FHOD3: variants seen among roughly 807,000 people sequenced by gnomAD.
The protein encoded by FHOD3 is FH1/FH2 domain-containing protein 3.
A neutral mutation model predicts 173.0 loss-of-function variants in FHOD3; 90 were observed. The observed-to-expected ratio is 0.52, with a 90% CI of 0.44 to 0.62. FHOD3 has a LOEUF of 0.62. FHOD3 is among the 20% of genes least tolerant of loss of function. The pLI is 0.00. For synonymous variants in FHOD3, 828 were observed against 823.0 expected (o/e 1.01, Z -0.10); for missense variants, 1,945 against 2,034.7 (o/e 0.96, Z 0.85).
chr18:36,760,620 T>G lies in FHOD3; in HGVS notation c.4462T>G (p.Ser1488Ala), dbSNP rs575939229. The G allele has an allele frequency of 6.3e-7, 1 of 1,582,472 alleles. No homozygotes were observed. The highest frequency in any genetic ancestry group is 1.4e-5 in the African/African-American group (1 of 73,582). Residue 1488 changes from serine (S) to alanine (A), a missense_variant, in exon 27 of 29, where the codon TCC becomes GCC. This residue lies in a region of FHOD3 where 354 missense variants were observed against 359.9 expected (regional missense o/e 0.98). Coordinates refer to ENST00000590592, the MANE Select transcript of FHOD3 (RefSeq NM_001281740.3). ...EEEEVESGKF[S>A]GSSPAPPSQP... is the part of the protein sequence containing the mutation. ...CTTGGTTTTGCAGTCTGGCAAGTTC[T>G]CCGGCAGTTCTCCGGCGCCCCCAAG...
At chr18:36,349,430 C>G (rs532701165) in intron 1 of FHOD3, among the ~76,000 whole-genome samples, 48 of 152,298 alleles carry the variant, frequency 3.2e-4, no homozygotes, top group African/African-American at 1.1e-3. Context: ...ATGGGGGAAC[C>G]AATGAAGTGC....
intron 1 of FHOD3, among the ~76,000 whole-genome samples, chr18:36,336,965 G>C (rs1471124490): frequency 1.3e-5 from 2 of 151,802 alleles, no homozygotes; most frequent in African/African-American, 2.4e-5. Context: ...TTGAGGCCAG[G>C]AGTTTGAGAC....
intron 14 of FHOD3, among the ~76,000 whole-genome samples, chr18:36,664,952 G>C (rs1020015887): frequency 6.6e-6 from 1 of 152,138 alleles, no homozygotes; most frequent in African/African-American, 2.4e-5. Flanking sequence ...GAGACCCCAG[G>C]TGTGGTGGCT....
In FHOD3 at chr18:36,506,445, G is replaced by C. The variant is rs188643381; in HGVS notation, c.405+4446G>C. Among the ~76,000 whole-genome samples the C allele has an allele frequency of 3.3e-5, 5 of 152,338 alleles. No homozygotes were observed. In the East Asian group the frequency reaches 9.6e-4, roughly 29 times the overall value. On this transcript the variant is annotated intron_variant, in intron 4 of 28. Transcript: ENST00000590592. ...TATGTTTAGTGATGATGGTGAACAA[G>C]TGGTGACTTTGAAGGATTCTGTATG...
At chr18:36,300,177 A>G (rs2091922486) in intron 1 of FHOD3, among the ~76,000 whole-genome samples, 2 of 152,156 alleles carry the variant, frequency 1.3e-5, no homozygotes, top group Non-Finnish European at 2.9e-5. Flanking sequence ...AGGGAGAGTG[A>G]CTAAATGACC....
intron 5 of FHOD3, among the ~76,000 whole-genome samples, chr18:36,528,188 A>T (rs1482650573): frequency 6.6e-6 from 1 of 152,228 alleles, no homozygotes; most frequent in Non-Finnish European, 1.5e-5. Flanking sequence ...ACAAACCTGT[A>T]GCACTAGGAT....
chr18:36,425,903 CT>C (rs576258914), intron 3 of FHOD3, among the ~76,000 whole-genome samples: 2,999 of 142,544 alleles, frequency 0.021, 88 homozygotes, highest in African/African-American at 0.068. Context: ...TTCTTTCTTT[CT>C]TTTTTTTTTT....
rs763415734 is a variant in FHOD3 at position 36,744,185 on chromosome 18, T to A, written c.4033T>A (p.Ser1345Thr). The A allele has an allele frequency of 6.2e-7, 1 of 1,613,366 alleles. No homozygotes were observed. The highest frequency in any genetic ancestry group is 1.7e-5 in the Admixed American group (1 of 59,900). ...LYSEIGAITRSAKVDFDQLQD... is the reference protein window; with the variant it reads ...LYSEIGAITRTAKVDFDQLQD... ...CTCGGAGATCGGGGCCATCACCAGG[T>A]CAGCCAAGGTATGTCTGTGGACGCT... Residue 1345 changes from serine to threonine, a missense_variant, in exon 23 of 29, where the codon TCA becomes ACA. Transcript: ENST00000590592.
Position 36,297,928 on chromosome 18 carries a change from C to T in FHOD3, c.93C>T (p.Phe31=), listed in dbSNP as rs779310008. 8.3e-6 allele frequency: 13 copies of T among 1,565,334 alleles called. No individual in the cohort carries two copies. The African/African-American group carries it at 1.5e-4, about 18-fold the overall frequency. The part of the protein sequence containing the change: ...NFPEPSRPPL[F]TFREDLALGT... ...CCGAGCCCAGCCGGCCGCCGCTGTT[C>T]ACGTTCCGCGAGGACCTCGCGCTCG... The change falls in exon 1 of 29, where the codon TTC becomes TTT. Residue 31 remains phenylalanine (F), a synonymous_variant. Coordinates refer to ENST00000590592, the MANE Select transcript of FHOD3 (RefSeq NM_001281740.3).
intron 6 of FHOD3, among the ~76,000 whole-genome samples, chr18:36,589,000 C>G (rs2059126418): frequency 6.6e-6 from 1 of 152,212 alleles, no homozygotes; most frequent in Non-Finnish European, 1.5e-5. Flanking sequence ...TGGACTGAGG[C>G]TTGACTTGAC....
chr18:36,577,540 A>T (rs1382422628), intron 6 of FHOD3, among the ~76,000 whole-genome samples: 2 of 152,172 alleles, frequency 1.3e-5, no homozygotes, highest in African/African-American at 4.8e-5. Flanking sequence ...GCCTCAAATG[A>T]TCCACCTGCC....
At chr18:36,519,515 T>G (rs1440757354) in intron 5 of FHOD3, among the ~76,000 whole-genome samples, 4 of 152,210 alleles carry the variant, frequency 2.6e-5, no homozygotes, top group Non-Finnish European at 4.4e-5. Flanking sequence ...TCGCTGTGCT[T>G]CTTCTGCAAG....
At chr18:36,529,315 G>A (rs532952716) in intron 5 of FHOD3, among the ~76,000 whole-genome samples, 18 of 152,230 alleles carry the variant, frequency 1.2e-4, no homozygotes, top group Admixed American at 3.9e-4. Context: ...GCTGCTGCTC[G>A]TGTTATACAG....
chr18:36,626,572 G>A (rs1348546287), intron 10 of FHOD3, among the ~76,000 whole-genome samples: 2 of 152,158 alleles, frequency 1.3e-5, no homozygotes, highest in African/African-American at 4.8e-5. Context: ...TCACTGGGAT[G>A]AGGGACTTTA....
rs1397431570 is a variant in FHOD3 at position 36,355,456 on chromosome 18, A to T, written c.166-83A>T. 2.7e-6 allele frequency: 3 copies of T among 1,116,756 alleles called. No homozygotes were observed. In the African/African-American group the frequency reaches 4.6e-5, roughly 17 times the overall value. 69.2% of individuals were successfully genotyped at this position (1,116,756 alleles called of 1,614,324 possible). On this transcript the variant is annotated intron_variant, in intron 1 of 28. Coordinates refer to ENST00000590592, the MANE Select transcript of FHOD3 (RefSeq NM_001281740.3). ...AACATTGCTTGATTTTACAAAACACAGGAGGGCAACATGATGTGATTTCTC... is the reference window on the plus strand; with the variant it reads ...AACATTGCTTGATTTTACAAAACACTGGAGGGCAACATGATGTGATTTCTC...
rs182646403 is a variant in FHOD3, at chr18:36,478,022, G to T, written c.338-23910G>T. ...AAAGAACAGAGCTCTGGAAAGAGAG[G>T]CAGGAGGCCCCAGGAGACAAAACAT... On this transcript the variant is annotated intron_variant, in intron 3 of 28. Coordinates refer to ENST00000590592, the MANE Select transcript of FHOD3 (RefSeq NM_001281740.3). Among the ~76,000 whole-genome samples, 24 of 152,348 alleles carry T rather than the reference G, an allele frequency of 1.6e-4. No homozygotes were observed. The East Asian group carries it at 4.6e-3, about 29-fold the overall frequency.
intron 3 of FHOD3, among the ~76,000 whole-genome samples, chr18:36,491,497 T>C (rs1053872434): frequency 3.9e-5 from 6 of 152,222 alleles, no homozygotes; most frequent in Non-Finnish European, 5.9e-5. Flanking sequence ...ATAATGGTAC[T>C]ATCCACCATT....
chr18:36,516,997 T>G (rs2056022636), intron 5 of FHOD3, among the ~76,000 whole-genome samples: 1 of 152,082 alleles, frequency 6.6e-6, no homozygotes, highest in Non-Finnish European at 1.5e-5. Flanking sequence ...GCATTTTTTT[T>G]TTTTAAGGCC....
At chr18:36,485,800 C>T (rs914093354) in intron 3 of FHOD3, among the ~76,000 whole-genome samples, 4 of 152,204 alleles carry the variant, frequency 2.6e-5, no homozygotes, top group African/African-American at 9.7e-5. Flanking sequence ...GCCTGTGTCT[C>T]TTGCAGAGGA....
Sources: allele counts gnomAD v4.1 joint callset (sites outside exome capture counted in the v4.1 genomes callset), GRCh38; gene constraint gnomAD v4.1.1; regional missense constraint gnomAD v4.1.1; transcripts MANE v1.5; gene names NCBI Gene and HGNC (gene_info 2026-07-23, HGNC 2026-07-21).